The following NEMF variants were observed in gnomAD, a reference collection of about 807,000 sequenced individuals.
The protein encoded by NEMF is ribosome quality control complex subunit NEMF.
A neutral mutation model predicts 162.2 loss-of-function variants in NEMF; 89 were observed. The ratio of observed to expected loss-of-function variants is 0.55; its 90% confidence interval spans 0.46 to 0.65. The LOEUF (loss-of-function observed/expected upper bound fraction) is 0.65, where lower values mean the gene tolerates loss of function less well. NEMF is among the 30% of genes least tolerant of loss of function. The pLI is 0.00. For synonymous variants in NEMF, 421 were observed against 404.5 expected (o/e 1.04, Z -0.49); for missense variants, 1,133 against 1,261.9 (o/e 0.90, Z 1.55).
At chr14:49,814,709 CCAAA>C in intron 17 of NEMF, 41 bp downstream of exon 17, 1 of 1,027,238 alleles carries the variant, frequency 9.7e-7, no homozygotes, top group Non-Finnish European at 1.5e-6. Context: ...GATAACTGAT[CCAAA>C]CATTCAAGAG....
At chr14:49,837,968 A>C (rs1415307355) in intron 6 of NEMF, among the ~76,000 whole-genome samples, 171 bp downstream of exon 6, 1 of 152,210 alleles carries the variant, frequency 6.6e-6, no homozygotes, top group Non-Finnish European at 1.5e-5. Flanking sequence ...AATCTAATAG[A>C]TAAAGCTCAA....
chr14:49,831,435 A>ATT, intron 10 of NEMF, 74 bp from the exon 11 acceptor site: 2 of 770,948 alleles, frequency 2.6e-6, no homozygotes, highest in Non-Finnish European at 4.3e-6. Flanking sequence ...ACAGAATTTT[A>ATT]TTTTTTTTTT....
In NEMF at chr14:49,834,403, G is replaced by C. The variant is rs770219251; in HGVS notation, c.621C>G (p.Phe207Leu). The change falls in exon 7 of 33, where the codon TTC becomes TTG. Residue 207 changes from phenylalanine to leucine, a missense_variant. Phe to Leu is a conservative substitution (Grantham distance 22). Coordinates refer to ENST00000298310, the MANE Select transcript of NEMF (RefSeq NM_004713.6). ...LIEHCLLENG[F>L]SGNVKVDEKL... ...TTTCATCCACTTTGACATTACCCGA[G>C]AATCCATTTTCTAAAAGACAGTGTT... 1 of 1,608,944 alleles carries C rather than the reference G, an allele frequency of 6.2e-7. No homozygotes were observed. Among genetic ancestry groups the C allele is most frequent in the Non-Finnish European group, 8.5e-7 (1 of 1,175,346 alleles).
intron 25 of NEMF, chr14:49,796,174 C>G: frequency 1.7e-6 from 1 of 573,294 alleles, no homozygotes. Flanking sequence ...CATCCAAGCT[C>G]AACATATTGT....
chr14:49,810,208 A>G (rs937546057), intron 18 of NEMF, among the ~76,000 whole-genome samples: 6 of 151,870 alleles, frequency 4.0e-5, no homozygotes, highest in Non-Finnish European at 7.4e-5. Flanking sequence ...CTCTACTAAA[A>G]ATACAAAAAA....
intron 18 of NEMF, among the ~76,000 whole-genome samples, chr14:49,808,039 T>C (rs897416878): frequency 6.6e-6 from 1 of 152,186 alleles, no homozygotes; most frequent in Non-Finnish European, 1.5e-5. Flanking sequence ...GCTGGGTTAC[T>C]TCCCTTTCTA....
chr14:49,795,735 T>C, intron 26 of NEMF, 56 bp downstream of exon 26: 2 of 1,515,394 alleles, frequency 1.3e-6, no homozygotes. Context: ...CTTTAAAAAA[T>C]TAAAAAGGAA....
intron 14 of NEMF, 69 bp downstream of exon 14, chr14:49,828,546 TA>T: frequency 7.6e-7 from 1 of 1,317,574 alleles, no homozygotes; most frequent in Non-Finnish European, 1.0e-6. Flanking sequence ...TAAAATTTTT[TA>T]AAATGTCCTT....
intron 16 of NEMF, among the ~76,000 whole-genome samples, chr14:49,825,605 A>G (rs187272317): frequency 9.2e-4 from 140 of 152,242 alleles, no homozygotes; most frequent in Non-Finnish European, 1.5e-3. Flanking sequence ...GCACAGTGGC[A>G]TGTGCCTGTA....
intron 4 of NEMF, 128 bp from the exon 5 acceptor site, chr14:49,840,994 T>A (rs983482902): frequency 2.9e-6 from 2 of 695,816 alleles, no homozygotes; most frequent in Non-Finnish European, 4.6e-6. Flanking sequence ...GTCAGGACTT[T>A]GAGACCAGCC....
At chr14:49,800,239 G>A (rs1350731642) in intron 23 of NEMF, among the ~76,000 whole-genome samples, 181 bp downstream of exon 23, 1 of 151,972 alleles carries the variant, frequency 6.6e-6, no homozygotes, top group East Asian at 1.9e-4. Flanking sequence ...TATATGCACT[G>A]TATTTTTCTA....
At chr14:49,785,027 G>T (rs1479183131) in intron 31 of NEMF, 23 bp from the exon 32 acceptor site, 9 of 1,608,950 alleles carry the variant, frequency 5.6e-6, no homozygotes, top group Non-Finnish European at 6.8e-6. Context: ...AAAAGAGTAA[G>T]AATAATCTAC....
chr14:49,848,505 C>T (rs1893619882), intron 3 of NEMF, among the ~76,000 whole-genome samples: 1 of 152,010 alleles, frequency 6.6e-6, no homozygotes, highest in South Asian at 2.1e-4. Flanking sequence ...ATAAAAGACC[C>T]TTTAGTTAAG....
chr14:49,847,363 C>G (rs1893554700), intron 3 of NEMF, among the ~76,000 whole-genome samples: 1 of 151,992 alleles, frequency 6.6e-6, no homozygotes, highest in Admixed American at 6.6e-5. Flanking sequence ...ACTACCACGC[C>G]TGGCTAATTT....
At chr14:49,817,036 A>G (rs1891748092) in intron 16 of NEMF, among the ~76,000 whole-genome samples, 2 of 152,240 alleles carry the variant, frequency 1.3e-5, no homozygotes, top group Admixed American at 6.5e-5. Context: ...CATTAAATAT[A>G]AATGCATTAA....
chr14:49,843,489 A>G (rs544977628), intron 4 of NEMF, among the ~76,000 whole-genome samples: 3 of 152,244 alleles, frequency 2.0e-5, no homozygotes, highest in African/African-American at 7.2e-5. Flanking sequence ...GCAAGACTCT[A>G]TCTCAAAAAA....
intron 18 of NEMF, among the ~76,000 whole-genome samples, chr14:49,806,838 C>T (rs1329484288): frequency 6.6e-6 from 1 of 152,158 alleles, no homozygotes; most frequent in African/African-American, 2.4e-5. Context: ...ATATGAATAA[C>T]ATGTCCCTTA....
intron 25 of NEMF, chr14:49,796,190 C>T (rs772598018): frequency 5.4e-6 from 3 of 552,978 alleles, no homozygotes; most frequent in South Asian, 1.5e-5. Flanking sequence ...ATTGTCACCC[C>T]TGACTCATCC....
chr14:49,836,176 G>C (rs1359270042), intron 6 of NEMF, among the ~76,000 whole-genome samples: 1 of 152,226 alleles, frequency 6.6e-6, no homozygotes, highest in South Asian at 2.1e-4. Context: ...CTACGTGGGA[G>C]GCTGAGGCAA....
Sources: allele counts gnomAD v4.1 joint callset (sites outside exome capture counted in the v4.1 genomes callset), GRCh38; gene constraint gnomAD v4.1.1; transcripts MANE v1.5; gene names NCBI Gene and HGNC (gene_info 2026-07-23, HGNC 2026-07-21).